TACR2: variants seen among roughly 807,000 people sequenced by gnomAD.
TACR2 encodes the protein substance-K receptor.
A neutral mutation model predicts 28.9 loss-of-function variants in TACR2; 24 were observed. That is an observed-to-expected ratio of 0.83 (90% CI 0.60 to 1.17). The LOEUF (loss-of-function observed/expected upper bound fraction) is 1.17. Ranked by LOEUF, TACR2 falls within the 50% of genes most tolerant of loss-of-function variation. TACR2 has a pLI of 0.00. For missense variants in TACR2, 487 were observed against 524.4 expected, an observed-to-expected ratio of 0.93 and a Z score of 0.70; for synonymous variants, 222 against 212.6, an observed-to-expected ratio of 1.04 and a Z score of -0.38.
Position 69,408,908 on chromosome 10 carries a change from GC to G in TACR2, c.741+13del. On this transcript the variant is annotated intron_variant, in intron 3 of 4. Transcript: ENST00000373306. The stretch of plus-strand genomic sequence containing the variant: ...CAGGCCCCGCCCCCTCCAGGCCCCC[GC>G]CCCCGCGCCCACCTTCTTCATGGCC... 9.1e-7 allele frequency: 1 copy of G among 1,102,420 alleles called. No individual in the cohort carries two copies. The highest frequency in any genetic ancestry group is 1.2e-6 in the Non-Finnish European group (1 of 865,384). 68.3% of individuals were successfully genotyped at this position (1,102,420 alleles called of 1,614,324 possible). A position where few individuals can be genotyped will look rare whatever the true frequency, so the allele number is the denominator to read the frequency against.
At chr10:69,407,421 T>C (rs2133003670) in intron 3 of TACR2, 141 bp from the exon 4 acceptor site, 1 of 828,554 alleles carries the variant, frequency 1.2e-6, no homozygotes, top group Non-Finnish European at 1.8e-6. Flanking sequence ...CTCAGGCCTC[T>C]GAGCATGTTT....
rs1840508020 is a variant in TACR2, at chr10:69,407,075, G to C, written c.938+9C>G. Reference sequence around the variant, plus strand: ...GAGGGCAGAGGGTGGGGCTGGAGTGGGGGCTCACCTGTGGTTGAGACAGCA... The same window carrying C: ...GAGGGCAGAGGGTGGGGCTGGAGTGCGGGCTCACCTGTGGTTGAGACAGCA... On this transcript the variant is annotated intron_variant, in intron 4 of 4. Coordinates refer to ENST00000373306, the MANE Select transcript of TACR2 (RefSeq NM_001057.3). 2 of 1,613,152 alleles carry C rather than the reference G, an allele frequency of 1.2e-6. No homozygotes were observed. Among genetic ancestry groups the C allele is most frequent in the African/African-American group, 1.3e-5 (1 of 74,862 alleles).
At position 69,408,906 on chromosome 10, in the gene TACR2, C is replaced by T. The variant is rs1458667387; in HGVS notation, c.741+16G>A. 6.3e-6 allele frequency: 8 copies of T among 1,270,242 alleles called. No individual in the cohort carries two copies. Among genetic ancestry groups the T allele is most frequent in the South Asian group, 1.9e-5 (1 of 52,316 alleles). 78.7% of individuals were successfully genotyped at this position (1,270,242 alleles called of 1,614,324 possible). A position where few individuals can be genotyped will look rare whatever the true frequency, so the allele number is the denominator to read the frequency against. ...TCCAGGCCCCGCCCCCTCCAGGCCC[C>T]CGCCCCCGCGCCCACCTTCTTCATG... On this transcript the variant is annotated intron_variant, in intron 3 of 4. Coordinates refer to ENST00000373306, the MANE Select transcript of TACR2 (RefSeq NM_001057.3).
intron 2 of TACR2, chr10:69,409,298 C>T: frequency 7.4e-6 from 3 of 403,680 alleles, no homozygotes; most frequent in Non-Finnish European, 1.3e-5. Flanking sequence ...CAGCAGTAGC[C>T]CTGCGTCCTT....
At chr10:69,408,889 C>A (rs111313275) in intron 3 of TACR2, 33 bp downstream of exon 3, 3 of 143,392 alleles carry the variant, frequency 2.1e-5, no homozygotes, top group Non-Finnish European at 2.8e-5. Context: ...CCTCCAGGCC[C>A]CGCCCCCTCC....
Position 69,410,956 on chromosome 10 carries a change from G to A in TACR2, c.588-1881C>T, listed in dbSNP as rs145317501. 9.9e-5 allele frequency among the ~76,000 whole-genome samples: 15 copies of A among 152,160 alleles called. No individual in the cohort carries two copies. The East Asian group carries it at 2.7e-3, about 27-fold the overall frequency. ...TTGTGGCCACCCAAGATCCCACTTCGGTCTGTAAATTCCCTCAATAAATCA... is the reference window on the plus strand; with the variant it reads ...TTGTGGCCACCCAAGATCCCACTTCAGTCTGTAAATTCCCTCAATAAATCA... On this transcript the variant is annotated intron_variant, in intron 2 of 4. Transcript: ENST00000373306.
intron 1 of TACR2, among the ~76,000 whole-genome samples, chr10:69,415,677 C>T (rs1268020460): frequency 6.6e-6 from 1 of 152,230 alleles, no homozygotes; most frequent in Non-Finnish European, 1.5e-5. Flanking sequence ...TTGCCCACTT[C>T]CCCTACAGAC....
intron 1 of TACR2, among the ~76,000 whole-genome samples, 177 bp downstream of exon 1, chr10:69,415,755 T>C (rs1410991023): frequency 6.6e-6 from 1 of 152,180 alleles, no homozygotes; most frequent in African/African-American, 2.4e-5. Context: ...TCTACCTTCT[T>C]CAGCTCCACA....
At chr10:69,411,519 C>A (rs991098761) in intron 2 of TACR2, among the ~76,000 whole-genome samples, 9 of 152,188 alleles carry the variant, frequency 5.9e-5, no homozygotes, top group Admixed American at 1.3e-4. Flanking sequence ...GGTCATGCAG[C>A]CTCTGGCTCC....
intron 4 of TACR2, among the ~76,000 whole-genome samples, chr10:69,405,447 A>G (rs969787319): frequency 2.0e-5 from 3 of 152,228 alleles, no homozygotes; most frequent in African/African-American, 7.2e-5. Flanking sequence ...CTTCTAAGGG[A>G]TGAGTCAAAG....
rs773845215 is a variant in TACR2, at chr10:69,415,920, G to C, written c.392+12C>G. On this transcript the variant is annotated intron_variant, in intron 1 of 4. Transcript: ENST00000373306. ...GGGAGGCTCCCCCCAGCTTCCCCAA[G>C]GACCCTCTTGCCTGTCGGCAGCAAT... The C allele has an allele frequency of 6.2e-7, 1 of 1,609,544 alleles. No individual in the cohort carries two copies. The highest frequency in any genetic ancestry group is 1.3e-5 in the African/African-American group (1 of 74,892).
At chr10:69,405,235 T>A in intron 4 of TACR2, 151 bp from the exon 5 acceptor site, 2 of 636,810 alleles carry the variant, frequency 3.1e-6, no homozygotes, top group Non-Finnish European at 5.3e-6. Flanking sequence ...TCTTGAGAGA[T>A]GCCTTCGTGG....
chr10:69,406,618 G>T (rs928212050), intron 4 of TACR2, among the ~76,000 whole-genome samples: 18 of 152,186 alleles, frequency 1.2e-4, no homozygotes, highest in African/African-American at 4.3e-4. Flanking sequence ...CCGGATGGGT[G>T]CCATTCACTT....
chr10:69,410,500 G>A (rs904188615), intron 2 of TACR2, among the ~76,000 whole-genome samples: 6 of 142,400 alleles, frequency 4.2e-5, no homozygotes, highest in African/African-American at 1.0e-4. Context: ...TAGCCTGGGC[G>A]ATAGAGTGAG....
chr10:69,412,276 C>G (rs1019892858), intron 2 of TACR2, among the ~76,000 whole-genome samples: 2 of 152,180 alleles, frequency 1.3e-5, no homozygotes, highest in African/African-American at 2.4e-5. Context: ...CAGTAAATCT[C>G]TCTCCTAAAG....
rs1840486497 is a variant in TACR2 at position 69,404,841 on chromosome 10, A to G, written c.1182T>C (p.Thr394=). The G allele has an allele frequency of 6.5e-7, 1 of 1,547,700 alleles. No individual in the cohort carries two copies. Among genetic ancestry groups the G allele is most frequent in the African/African-American group, 1.4e-5 (1 of 73,344 alleles). Residue 394 remains threonine (T), a synonymous_variant, in exon 5 of 5, where the codon ACT becomes ACC. Coordinates refer to ENST00000373306, the MANE Select transcript of TACR2 (RefSeq NM_001057.3). ...CACATTGGGATCAAATTTCAACATG[A>G]GTTTTGGTGGGGGCAAGCAAACCAT... The part of the protein sequence containing the change: ...FGYGLLAPTK[T]HVEI
At chr10:69,409,868 T>C (rs5741699) in intron 2 of TACR2, among the ~76,000 whole-genome samples, 562 of 23,122 alleles carry the variant, frequency 0.024, 17 homozygotes, top group African/African-American at 0.1. Flanking sequence ...TGTATATGTA[T>C]ATATATATAT....
chr10:69,410,517 T>TC (rs1345318091), intron 2 of TACR2, among the ~76,000 whole-genome samples: 20 of 99,646 alleles, frequency 2.0e-4, no homozygotes, highest in African/African-American at 6.2e-4. Flanking sequence ...TGAGACCCTG[T>TC]CAAAAAAAAA....
chr10:69,406,420 G>A (rs1840502572), intron 4 of TACR2, among the ~76,000 whole-genome samples: 1 of 152,138 alleles, frequency 6.6e-6, no homozygotes, highest in African/African-American at 2.4e-5. Flanking sequence ...AGAATCACGA[G>A]GCGTAGGGAA....
Sources: allele counts gnomAD v4.1 joint callset (sites outside exome capture counted in the v4.1 genomes callset), GRCh38; gene constraint gnomAD v4.1.1; transcripts MANE v1.5; gene names NCBI Gene and HGNC (gene_info 2026-07-23, HGNC 2026-07-21).